The following IRGM variants were observed in gnomAD, a reference collection of about 807,000 sequenced individuals.
IRGM encodes the protein immunity-related GTPase family M protein.
For missense variants in IRGM, 288 were observed against 219.9 expected (o/e 1.31, Z -1.96); for synonymous variants, 98 against 80.6 (o/e 1.22, Z -1.16).
chr5:150,887,587 ACTC>A (rs1754545116), intron 3 of IRGM, among the ~76,000 whole-genome samples: 1 of 151,206 alleles, frequency 6.6e-6, no homozygotes, highest in Non-Finnish European at 1.5e-5. Context: ...ACTACAGAGA[ACTC>A]CTGCAAGATT....
chr5:150,879,358 C>A (rs11167518), intron 2 of IRGM, among the ~76,000 whole-genome samples: 31,837 of 152,130 alleles, frequency 0.21, 5,379 homozygotes, highest in African/African-American at 0.45. Flanking sequence ...TTAGAAAAAT[C>A]TTTGTTTTCA....
intron 3 of IRGM, chr5:150,895,591 T>C (rs1754728220): frequency 2.5e-6 from 4 of 1,613,482 alleles, no homozygotes; most frequent in South Asian, 2.2e-5. Flanking sequence ...TCAGCACATA[T>C]GTAAGGTTTC....
Position 150,881,500 on chromosome 5 carries a change from G to A in IRGM, c.*140+1854G>A, listed in dbSNP as rs377362028. Among the ~76,000 whole-genome samples, 25 of 152,200 alleles carry A rather than the reference G, an allele frequency of 1.6e-4. No homozygotes were observed. In the East Asian group the frequency reaches 4.0e-3, roughly 25 times the overall value. The stretch of plus-strand genomic sequence containing the variant: ...CTAAAGAGAGTTATTCAAGCTAAAG[G>A]AAAAGGACACTAGTAACATAAAAAC... On this transcript the variant is annotated intron_variant and NMD_transcript_variant, in intron 3 of 3. Transcript: ENST00000520549.
Position 150,848,353 on chromosome 5 carries a change from C to A in IRGM, c.230C>A (p.Ser77Tyr). ...ELVKATQRCASYFSSHFSNVV... is the reference protein window; with the variant it reads ...ELVKATQRCAYYFSSHFSNVV... ...GTAAAAGCTACCCAAAGATGTGCCT[C>A]CTATTTCTCTTCCCACTTTTCAAAT... Residue 77 changes from serine (S) to tyrosine (Y), a missense_variant, in exon 2 of 2, where the codon TCC (serine) becomes TAC (tyrosine). By Grantham distance (144) the Ser-to-Tyr change is moderately radical. Transcript: ENST00000522154. 2 of 1,551,846 alleles carry A rather than the reference C, an allele frequency of 1.3e-6. No homozygotes were observed. The highest frequency in any genetic ancestry group is 1.7e-6 in the Non-Finnish European group (2 of 1,146,984).
intron 3 of IRGM, among the ~76,000 whole-genome samples, chr5:150,890,649 T>A (rs181307612): frequency 6.6e-6 from 1 of 151,998 alleles, no homozygotes; most frequent in Non-Finnish European, 1.5e-5. Context: ...AATGTTGATA[T>A]AGTTGTGTTT....
At chr5:150,896,764 C>T (rs1322610401) in intron 3 of IRGM, 3 of 1,613,646 alleles carry the variant, frequency 1.9e-6, no homozygotes, top group African/African-American at 2.7e-5. Flanking sequence ...TGCCCTGATG[C>T]CTCAGTCACT....
intron 3 of IRGM, among the ~76,000 whole-genome samples, chr5:150,887,741 T>C (rs972863498): frequency 2.6e-5 from 4 of 151,304 alleles, no homozygotes; most frequent in African/African-American, 7.3e-5. Context: ...AGGCTAACAG[T>C]GGACCTCTCA....
intron 2 of IRGM, chr5:150,878,170 ACT>A (rs1491268400): frequency 5.4e-6 from 2 of 372,952 alleles, no homozygotes; most frequent in Non-Finnish European, 1.0e-5. Context: ...GAAATAGTAA[ACT>A]TTTTTTTTTG....
At chr5:150,874,699 A>G (rs1315415068) in intron 1 of IRGM, among the ~76,000 whole-genome samples, 1 of 152,194 alleles carries the variant, frequency 6.6e-6, no homozygotes, top group Non-Finnish European at 1.5e-5. Context: ...GGGCCATATG[A>G]CCCAGCAGAT....
chr5:150,873,308 CTCAA>C (rs1185821967), intron 1 of IRGM, among the ~76,000 whole-genome samples: 2 of 152,176 alleles, frequency 1.3e-5, no homozygotes, highest in African/African-American at 4.8e-5. Context: ...ATCACAGCCC[CTCAA>C]TCAATTTCCA....
downstream of IRGM, among the ~76,000 whole-genome samples, chr5:150,853,656 G>T (rs146682067): frequency 9.5e-4 from 144 of 152,074 alleles, 1 homozygote; most frequent in African/African-American, 3.3e-3. Flanking sequence ...ATCTTGCTTT[G>T]TCTCTTGTAA....
At chr5:150,896,965 T>A (rs754929933) in intron 3 of IRGM, 29 of 1,605,810 alleles carry the variant, frequency 1.8e-5, no homozygotes, top group Non-Finnish European at 2.5e-5. Context: ...TGAAGGTTAC[T>A]CTTCCTGTCT....
intron 3 of IRGM, among the ~76,000 whole-genome samples, chr5:150,888,152 T>G (rs1391285353): frequency 6.6e-6 from 1 of 151,846 alleles, no homozygotes; most frequent in Non-Finnish European, 1.5e-5. Context: ...AATTCTGATT[T>G]CAGACAAGAA....
At chr5:150,890,861 GCT>G (rs1255276274) in intron 3 of IRGM, among the ~76,000 whole-genome samples, 2 of 151,896 alleles carry the variant, frequency 1.3e-5, no homozygotes, top group Non-Finnish European at 2.9e-5. Context: ...TAAATTTATT[GCT>G]CTGTCTTGGT....
chr5:150,848,488 A>T lies in IRGM; in HGVS notation c.365A>T (p.Gln122Leu). 6.4e-7 allele frequency: 1 copy of T among 1,551,876 alleles called. No individual in the cohort carries two copies. The highest frequency in any genetic ancestry group is 8.7e-7 in the Non-Finnish European group (1 of 1,146,984). Residue 122 changes from glutamine (Q) to leucine (L), a missense_variant, in exon 2 of 2, where the codon CAA (glutamine) becomes CTA (leucine). Physicochemically the swap from Gln to Leu is moderately radical, Grantham distance 113 (BLOSUM62 -2). Coordinates refer to ENST00000522154, the MANE Select transcript of IRGM (RefSeq NM_001145805.2). Reference sequence around the variant, plus strand: ...GACTTCATCATGGTTGCATCTGCACAATTCAGCATGAATCATGTGATGCTT... The same window carrying T: ...GACTTCATCATGGTTGCATCTGCACTATTCAGCATGAATCATGTGATGCTT... ...RYDFIMVASAQFSMNHVMLAK... is the reference protein window; with the variant it reads ...RYDFIMVASALFSMNHVMLAK...
intron 3 of IRGM, chr5:150,896,230 T>C: frequency 6.2e-7 from 1 of 1,613,728 alleles, no homozygotes; most frequent in Non-Finnish European, 8.5e-7. Context: ...AGGGACGATT[T>C]CTGAGAGAAG....
chr5:150,855,950 G>A (rs536456229), intron 1 of IRGM, among the ~76,000 whole-genome samples: 1 of 151,634 alleles, frequency 6.6e-6, no homozygotes, highest in African/African-American at 2.4e-5. Context: ...TGTTAATTAG[G>A]AGACACTCAA....
intron 3 of IRGM, among the ~76,000 whole-genome samples, chr5:150,880,057 G>A (rs1162123460): frequency 1.3e-5 from 2 of 152,126 alleles, no homozygotes; most frequent in Non-Finnish European, 2.9e-5. Context: ...GCAAACTGGA[G>A]TCATCTGAAC....
At position 150,848,457 on chromosome 5, in the gene IRGM, C is replaced by T. The variant is rs781399456; in HGVS notation, c.334C>T (p.Arg112Trp). The T allele has an allele frequency of 5.7e-5, 89 of 1,551,744 alleles. No homozygotes were observed. In the African/African-American group the frequency reaches 9.8e-4, roughly 17 times the overall value. The change falls in exon 2 of 2, where the codon CGG becomes TGG. Residue 112 changes from arginine (R) to tryptophan (W), a missense_variant. Coordinates refer to ENST00000522154, the MANE Select transcript of IRGM (RefSeq NM_001145805.2). Reference protein sequence around the residue: ...ENYLMEMQFNRYDFIMVASAQ... With the variant: ...ENYLMEMQFNWYDFIMVASAQ... The stretch of plus-strand genomic sequence containing the variant: ...CTACCTGATGGAAATGCAGTTCAAC[C>T]GGTATGACTTCATCATGGTTGCATC...
Sources: allele counts gnomAD v4.1 joint callset (sites outside exome capture counted in the v4.1 genomes callset), GRCh38; gene constraint gnomAD v4.1.1; transcripts MANE v1.5; gene names NCBI Gene and HGNC (gene_info 2026-07-23, HGNC 2026-07-21).